The following WDHD1 variants were observed in gnomAD, a reference collection of about 807,000 sequenced individuals.
WDHD1 encodes the protein WD repeat and HMG-box DNA-binding protein 1.
A neutral mutation model predicts 135.4 loss-of-function variants in WDHD1; 111 were observed. The ratio of observed to expected loss-of-function variants is 0.82; its 90% CI spans 0.70 to 0.96. The LOEUF is 0.96. Among genes scored for constraint, WDHD1 ranks in the 40% least tolerant of loss-of-function variants. WDHD1 has a pLI of 0.00. For missense variants in WDHD1, 1,351 were observed against 1,336.3 expected (o/e 1.01, Z -0.17); for synonymous variants, 434 against 439.0 (o/e 0.99, Z 0.14).
rs762410003 is a variant in WDHD1, at chr14:54,995,645, T to C, written c.1111A>G (p.Arg371Gly). 12 of 1,612,596 alleles carry C rather than the reference T, an allele frequency of 7.4e-6. No individual in the cohort carries two copies. Among genetic ancestry groups the C allele is most frequent in the Non-Finnish European group, 9.3e-6 (11 of 1,179,412 alleles). ...EDLMMASGRP[R>G]QRSHILEDDE... ...TCTTCTAGGATGTGACTTCGCTGTC[T>C]AGGACGACCTGAAGCCATCATGAGG... is the stretch of plus-strand genomic sequence containing the variant. The change falls in exon 11 of 26, where the codon AGA (arginine) becomes GGA (glycine). Residue 371 changes from arginine to glycine, a missense_variant. This residue lies in a region of WDHD1 where 1,330 missense variants were observed against 1,296.1 expected (regional missense o/e 1.03). Transcript: ENST00000360586.
In WDHD1 at chr14:54,941,322, A is replaced by G. The variant is rs929739294; in HGVS notation, c.*168T>C. 3 of 511,888 alleles carry G rather than the reference A, an allele frequency of 5.9e-6. No individual in the cohort carries two copies. The highest frequency in any genetic ancestry group is 5.8e-5 in the African/African-American group (3 of 51,390). The allele number at this position is 511,888 out of a possible 1,614,324, so 31.7% of individuals were successfully genotyped here. A position where few individuals can be genotyped will look rare whatever the true frequency, so the allele number is the denominator to read the frequency against. On this transcript the variant is annotated 3_prime_UTR_variant, in exon 26 of 26. Transcript: ENST00000360586. ...TCTGCAAAGATGATAGTTTTTACATATGTCCTGTTACCTACACCAATATAA... is the reference window on the plus strand; with the variant it reads ...TCTGCAAAGATGATAGTTTTTACATGTGTCCTGTTACCTACACCAATATAA...
rs113469889 is a variant in WDHD1, at chr14:54,948,979, T to A, written c.3051-4509A>T. Among the ~76,000 whole-genome samples, 1,085 of 152,144 alleles carry A rather than the reference T, an allele frequency of 7.1e-3. 12 individuals carry two copies. Among genetic ancestry groups the A allele is most frequent in the African/African-American group, 0.025 (1,027 of 41,500 alleles). ...GGAAAACTAACAAACAAAAAGGACA[T>A]CCATACCAAAACCCCATGTGTACGT... On this transcript the variant is annotated intron_variant, in intron 24 of 25. Transcript: ENST00000360586.
intron 24 of WDHD1, among the ~76,000 whole-genome samples, chr14:54,947,955 C>T (rs535889015): frequency 1.3e-5 from 2 of 151,872 alleles, no homozygotes; most frequent in Admixed American, 1.3e-4. Context: ...GTGGCTCACA[C>T]CTGTAATTCC....
At chr14:55,013,634 G>GAGACACCATGCCCGAT in intron 2 of WDHD1, 38 bp from the exon 3 acceptor site, 4 of 1,504,224 alleles carry the variant, frequency 2.7e-6, no homozygotes, top group Non-Finnish European at 3.7e-6. Flanking sequence ...CATCGGGCAT[G>GAGACACCATGCCCGAT]GTGTCTCATG....
At position 54,998,105 on chromosome 14, in the gene WDHD1, T is replaced by C. The variant is rs2041916099; in HGVS notation, c.943-2292A>G. ...GTGGGTGCCTGTTATCCTAGGTACTTGGGAGGCTGAGGCAGGAGAATCGCT... is the reference window on the plus strand; with the variant it reads ...GTGGGTGCCTGTTATCCTAGGTACTCGGGAGGCTGAGGCAGGAGAATCGCT... On this transcript the variant is annotated intron_variant, in intron 10 of 25. Coordinates refer to ENST00000360586, the MANE Select transcript of WDHD1 (RefSeq NM_007086.4). Among the ~76,000 whole-genome samples, 4 of 150,196 alleles carry C rather than the reference T, an allele frequency of 2.7e-5. No homozygotes were observed. In the South Asian group the frequency reaches 8.5e-4, roughly 32 times the overall value.
intron 7 of WDHD1, among the ~76,000 whole-genome samples, chr14:55,003,798 A>C (rs943188588): frequency 2.0e-5 from 3 of 151,994 alleles, no homozygotes; most frequent in Non-Finnish European, 4.4e-5. Context: ...TCCTGACCTC[A>C]GGGGATCCAC....
chr14:54,949,402 G>A (rs2040998676), intron 24 of WDHD1, among the ~76,000 whole-genome samples: 1 of 152,202 alleles, frequency 6.6e-6, no homozygotes, highest in Non-Finnish European at 1.5e-5. Context: ...AAGGGTATCA[G>A]TGATCAAAGA....
chr14:55,008,322 T>G lies in WDHD1; in HGVS notation c.498A>C (p.Ser166=). ...TTTAAATTGCTGAGTTTACCTGATCTGAAATTTGCCACACTCTGACAGATC... is the reference window on the plus strand; with the variant it reads ...TTTAAATTGCTGAGTTTACCTGATCGGAAATTTGCCACACTCTGACAGATC... ...CDGSVRVWQI[S]DQTCAISWPL... Residue 166 remains serine (S), a synonymous_variant, in exon 6 of 26, where the codon TCA becomes TCC. Coordinates refer to ENST00000360586, the MANE Select transcript of WDHD1 (RefSeq NM_007086.4). The G allele has an allele frequency of 6.2e-7, 1 of 1,613,354 alleles. No individual in the cohort carries two copies. The highest frequency in any genetic ancestry group is 2.2e-5 in the East Asian group (1 of 44,846).
chr14:54,955,456 A>G lies in WDHD1; in HGVS notation c.3050+105T>C, dbSNP rs547312934. On this transcript the variant is annotated intron_variant, in intron 24 of 25. Transcript: ENST00000360586. ...TCCAGAATGCCCACTACCAATGCCAATGTATTATTTGTATTAAGGAATAAC... is the reference window on the plus strand; with the variant it reads ...TCCAGAATGCCCACTACCAATGCCAGTGTATTATTTGTATTAAGGAATAAC... 56 of 1,190,276 alleles carry G rather than the reference A, an allele frequency of 4.7e-5. No individual in the cohort carries two copies. In the African/African-American group the frequency reaches 6.4e-4, roughly 14 times the overall value. 73.7% of individuals were successfully genotyped at this position (1,190,276 alleles called of 1,614,324 possible). A position where few individuals can be genotyped will look rare whatever the true frequency, so the allele number is the denominator to read the frequency against.
intron 13 of WDHD1, among the ~76,000 whole-genome samples, chr14:54,987,970 A>G (rs1241199253): frequency 6.6e-6 from 1 of 152,224 alleles, no homozygotes; most frequent in African/African-American, 2.4e-5. Flanking sequence ...AGTAAAATCC[A>G]TGAAGTGTAT....
At chr14:54,988,201 G>T (rs1221418550) in intron 13 of WDHD1, among the ~76,000 whole-genome samples, 1 of 151,288 alleles carries the variant, frequency 6.6e-6, no homozygotes, top group Non-Finnish European at 1.5e-5. Context: ...AAGCAAACGG[G>T]TGACTAGTAC....
intron 17 of WDHD1, 47 bp from the exon 18 acceptor site, chr14:54,966,653 T>C (rs754351282): frequency 1.9e-6 from 3 of 1,554,780 alleles, no homozygotes; most frequent in Non-Finnish European, 1.7e-6. Flanking sequence ...CACCTTAATA[T>C]GAGGCAAGCG....
chr14:54,970,814 G>A (rs753652385), intron 16 of WDHD1, among the ~76,000 whole-genome samples: 1 of 152,164 alleles, frequency 6.6e-6, no homozygotes, highest in Admixed American at 6.5e-5. Flanking sequence ...CAACAAAGCT[G>A]GAGGCATCAC....
At chr14:55,022,339 C>A (rs1421123171) in intron 2 of WDHD1, among the ~76,000 whole-genome samples, 1 of 152,170 alleles carries the variant, frequency 6.6e-6, no homozygotes, top group African/African-American at 2.4e-5. Flanking sequence ...GATCACAAAT[C>A]TGATTGTATT....
intron 15 of WDHD1, among the ~76,000 whole-genome samples, chr14:54,983,169 A>C (rs1409235660): frequency 6.6e-6 from 1 of 151,996 alleles, no homozygotes; most frequent in Non-Finnish European, 1.5e-5. Flanking sequence ...GCGTCAAAAA[A>C]ACCACAAACA....
At chr14:55,021,297 G>A (rs1435116865) in intron 2 of WDHD1, among the ~76,000 whole-genome samples, 1 of 152,124 alleles carries the variant, frequency 6.6e-6, no homozygotes, top group Admixed American at 6.5e-5. Context: ...TTGTTTTCTG[G>A]CACTACTTCT....
At chr14:54,997,360 T>C (rs994439781) in intron 10 of WDHD1, among the ~76,000 whole-genome samples, 4 of 152,176 alleles carry the variant, frequency 2.6e-5, no homozygotes, top group Non-Finnish European at 5.9e-5. Flanking sequence ...CCTCCAAAAG[T>C]TCTGGGATTG....
intron 16 of WDHD1, among the ~76,000 whole-genome samples, chr14:54,968,307 T>A (rs1393922371): frequency 2.0e-5 from 3 of 152,108 alleles, no homozygotes; most frequent in Non-Finnish European, 4.4e-5. Context: ...GAAATATTCT[T>A]TGAAATAAAT....
intron 25 of WDHD1, among the ~76,000 whole-genome samples, chr14:54,943,239 A>C (rs1595049039): frequency 1.3e-5 from 2 of 152,242 alleles, no homozygotes; most frequent in African/African-American, 4.8e-5. Flanking sequence ...CACCTGTCCT[A>C]ATTTCCATGT....
Sources: gnomAD v4.1 joint callset for allele counts (sites outside exome capture counted in the v4.1 genomes callset) on GRCh38, gnomAD v4.1.1 for gene constraint, gnomAD v4.1.1 regional missense constraint, MANE v1.5 for transcripts, NCBI Gene and HGNC (gene_info 2026-07-23, HGNC 2026-07-21) for gene names.